The following SNX29 variants were observed in gnomAD, a reference collection of about 807,000 sequenced individuals.
The protein encoded by SNX29 is sorting nexin-29.
Under a neutral mutation model 102.1 loss-of-function variants are expected in SNX29, and 78 were observed. That is an observed-to-expected ratio of 0.76 (90% CI 0.64 to 0.92). The LOEUF (loss-of-function observed/expected upper bound fraction) is 0.92. Ranked by LOEUF, SNX29 falls within the 40% of genes least tolerant of loss-of-function variation. The pLI, the probability that SNX29 is intolerant of heterozygous loss-of-function variation, is 0.00. For missense variants in SNX29, 1,280 were observed against 1,061.7 expected (o/e 1.21, Z -2.86); for synonymous variants, 580 against 414.5 (o/e 1.40, Z -4.85).
intron 14 of SNX29, among the ~76,000 whole-genome samples, chr16:12,207,168 A>G (rs1404483871): frequency 6.6e-6 from 1 of 152,100 alleles, no homozygotes; most frequent in African/African-American, 2.4e-5. Flanking sequence ...CAGGAGTTCA[A>G]AACCAGCCAG....
At chr16:12,346,300 C>T (rs2081802898) in intron 15 of SNX29, among the ~76,000 whole-genome samples, 1 of 152,070 alleles carries the variant, frequency 6.6e-6, no homozygotes, top group Non-Finnish European at 1.5e-5. Context: ...CTGCTGGTGC[C>T]TCTTTAATGG....
chr16:12,408,157 C>CAAAAAAAAAAAA (rs1555530421), intron 18 of SNX29, among the ~76,000 whole-genome samples: 11 of 142,962 alleles, frequency 7.7e-5, no homozygotes, highest in East Asian at 2.1e-4. Flanking sequence ...GGACCCTTCT[C>CAAAAAAAAAAAA]AAAAAAACAA....
At chr16:12,462,143 G>A (rs2086833382) in intron 18 of SNX29, among the ~76,000 whole-genome samples, 1 of 150,878 alleles carries the variant, frequency 6.6e-6, no homozygotes, top group South Asian at 2.1e-4. Flanking sequence ...TGGGTGCTGG[G>A]CTCGATCTCT....
intron 11 of SNX29, among the ~76,000 whole-genome samples, chr16:12,114,664 G>A (rs2141287578): frequency 6.6e-6 from 1 of 151,622 alleles, no homozygotes; most frequent in Admixed American, 6.6e-5. Context: ...TCAGCTCACT[G>A]CAACCTCCGC....
Position 12,572,690 on chromosome 16 carries a change from A to G in SNX29, c.*4061A>G. 9.4e-7 allele frequency: 1 copy of G among 1,063,632 alleles called. No individual in the cohort carries two copies. The highest frequency in any genetic ancestry group is 5.0e-5 in the East Asian group (1 of 19,880). 65.9% of individuals were successfully genotyped at this position (1,063,632 alleles called of 1,614,324 possible). A position where few individuals can be genotyped will look rare whatever the true frequency, so the allele number is the denominator to read the frequency against. On this transcript the variant is annotated 3_prime_UTR_variant, in exon 21 of 21. Coordinates refer to ENST00000566228, the MANE Select transcript of SNX29 (RefSeq NM_032167.5). ...AGCACCCACACGGGGGAAGCCCTGCACTCCAGCAGCATCTTCCAGCCTTGG... is the reference window on the plus strand; with the variant it reads ...AGCACCCACACGGGGGAAGCCCTGCGCTCCAGCAGCATCTTCCAGCCTTGG...
Position 12,386,894 on chromosome 16 carries a change from G to A in SNX29, c.1900-11552G>A, listed in dbSNP as rs184792376. ...AATCCCAGCAGTTTGGGAGGCCAAGGCGGGTGGATCACTTGAGGTCAGGAA... is the reference window on the plus strand; with the variant it reads ...AATCCCAGCAGTTTGGGAGGCCAAGACGGGTGGATCACTTGAGGTCAGGAA... On this transcript the variant is annotated intron_variant, in intron 16 of 20. Transcript: ENST00000566228. 1.5e-3 allele frequency among the ~76,000 whole-genome samples: 228 copies of A among 151,980 alleles called. 1 individual carries two copies. Among genetic ancestry groups the A allele is most frequent in the African/African-American group, 5.2e-3 (216 of 41,454 alleles).
chr16:12,526,424 C>T (rs1022291869), intron 20 of SNX29: 24 of 399,772 alleles, frequency 6.0e-5, no homozygotes, highest in South Asian at 2.5e-4. Flanking sequence ...CTAATTGTTC[C>T]GGGGTTTTTG....
chr16:12,135,333 T>G (rs117355580), intron 13 of SNX29, among the ~76,000 whole-genome samples: 463 of 152,332 alleles, frequency 3.0e-3, no homozygotes, highest in Non-Finnish European at 4.7e-3. Flanking sequence ...GGATCTTTGC[T>G]CCTTCCTTTG....
chr16:12,075,860 C>T (rs1020072564), intron 10 of SNX29, among the ~76,000 whole-genome samples: 1 of 152,246 alleles, frequency 6.6e-6, no homozygotes, highest in East Asian at 1.9e-4. Context: ...CTAAGGGAGC[C>T]TGGGCAATGG....
chr16:12,543,424 A>T (rs2077434852), intron 20 of SNX29, among the ~76,000 whole-genome samples: 1 of 152,172 alleles, frequency 6.6e-6, no homozygotes, highest in Admixed American at 6.5e-5. Flanking sequence ...AAGGAGAGAA[A>T]GTGGGTGGGC....
At chr16:12,139,193 TAAAAAAAAAAA>T (rs34808071) in intron 13 of SNX29, among the ~76,000 whole-genome samples, 1,106 of 66,146 alleles carry the variant, frequency 0.017, 9 homozygotes, top group Middle Eastern at 0.057. Flanking sequence ...AGCGAGACTC[TAAAAAAAAAAA>T]AAAAAAAAAA....
At chr16:12,280,785 A>G (rs1456989725) in intron 15 of SNX29, among the ~76,000 whole-genome samples, 4 of 152,202 alleles carry the variant, frequency 2.6e-5, no homozygotes, top group African/African-American at 9.7e-5. Flanking sequence ...CATTCTGTTA[A>G]TGGGTTGATT....
chr16:12,200,728 G>A lies in SNX29; in HGVS notation c.1678+1045G>A, dbSNP rs189821868. Reference sequence around the variant, plus strand: ...TTGAACTCCTGACTCCAGGTGATCCGTCCGCCTCGGCCTCCCAAAGAGCTG... The same window carrying A: ...TTGAACTCCTGACTCCAGGTGATCCATCCGCCTCGGCCTCCCAAAGAGCTG... On this transcript the variant is annotated intron_variant, in intron 14 of 20. Coordinates refer to ENST00000566228, the MANE Select transcript of SNX29 (RefSeq NM_032167.5). Among the ~76,000 whole-genome samples, 7 of 152,182 alleles carry A rather than the reference G, an allele frequency of 4.6e-5. No individual in the cohort carries two copies. The East Asian group carries it at 9.7e-4, about 21-fold the overall frequency.
chr16:12,367,794 C>G (rs1280723094), intron 16 of SNX29, among the ~76,000 whole-genome samples: 1 of 152,214 alleles, frequency 6.6e-6, no homozygotes, highest in Non-Finnish European at 1.5e-5. Flanking sequence ...CTTGGACATC[C>G]CTGTTTTAAT....
At chr16:12,544,918 G>C (rs1362537565) in intron 20 of SNX29, among the ~76,000 whole-genome samples, 2 of 152,194 alleles carry the variant, frequency 1.3e-5, no homozygotes, top group South Asian at 4.1e-4. Flanking sequence ...GTCATTAGAT[G>C]TTATCATCAT....
intron 19 of SNX29, among the ~76,000 whole-genome samples, chr16:12,507,823 T>C (rs9940497): frequency 0.47 from 72,042 of 152,034 alleles, 17,791 homozygotes; most frequent in South Asian, 0.65. Flanking sequence ...CTCAAAGGTC[T>C]TGACAGGTGG....
chr16:12,381,883 C>T (rs2083178135), intron 16 of SNX29, among the ~76,000 whole-genome samples: 1 of 149,686 alleles, frequency 6.7e-6, no homozygotes, highest in Non-Finnish European at 1.5e-5. Flanking sequence ...ATGCATCCTC[C>T]CATTCACCCC....
At chr16:12,210,788 C>G (rs1255635014) in intron 14 of SNX29, among the ~76,000 whole-genome samples, 2 of 152,034 alleles carry the variant, frequency 1.3e-5, no homozygotes, top group Admixed American at 1.3e-4. Context: ...CTCCTCTCTC[C>G]CTTCTCTCTT....
intron 20 of SNX29, among the ~76,000 whole-genome samples, chr16:12,563,407 G>A (rs112198995): frequency 1.3e-3 from 194 of 152,306 alleles, no homozygotes; most frequent in South Asian, 5.2e-3. Context: ...AATAGATGGC[G>A]ACTGGATTTT....
Sources: allele counts gnomAD v4.1 joint callset (sites outside exome capture counted in the v4.1 genomes callset), GRCh38; gene constraint gnomAD v4.1.1; transcripts MANE v1.5; gene names NCBI Gene and HGNC (gene_info 2026-07-23, HGNC 2026-07-21).